Variants in PTPRN2 observed in about 807,000 individuals in gnomAD.
PTPRN2 encodes receptor-type tyrosine-protein phosphatase N2.
PTPRN2 carries 74 observed loss-of-function variants against 118.8 expected under a neutral mutation model. The ratio of observed to expected loss-of-function variants is 0.62; its 90% confidence interval spans 0.52 to 0.76. PTPRN2 has a LOEUF of 0.76. PTPRN2 is among the 30% of genes least tolerant of loss of function. PTPRN2 has a pLI of 0.00. For synonymous variants in PTPRN2, 641 were observed against 608.0 expected, an observed-to-expected ratio of 1.05 and a Z score of -0.80; for missense variants, 1,481 against 1,394.4, an observed-to-expected ratio of 1.06 and a Z score of -0.99.
chr7:157,602,621 C>T (rs1032841076), intron 16 of PTPRN2, among the ~76,000 whole-genome samples: 1 of 151,990 alleles, frequency 6.6e-6, no homozygotes, highest in Non-Finnish European at 1.5e-5. Flanking sequence ...GAGAGCTGAG[C>T]GCCATCTGCC....
In PTPRN2 at chr7:157,674,626, C is replaced by T. The variant is rs1487782808; in HGVS notation, c.2001+8099G>A. The stretch of plus-strand genomic sequence containing the variant: ...TTTCACCACAGATAATGCCATTCAC[C>T]ACAGAGGCGCATTCTCTCTCGTGCC... On this transcript the variant is annotated intron_variant, in intron 13 of 22. Coordinates refer to ENST00000389418, the MANE Select transcript of PTPRN2 (RefSeq NM_002847.5). The surrounding 1 kb of genome is among the most constrained non-coding windows in gnomAD (Gnocchi z 4.5). Among the ~76,000 whole-genome samples the T allele has an allele frequency of 2.6e-5, 4 of 152,244 alleles. No homozygotes were observed. Among genetic ancestry groups the T allele is most frequent in the African/African-American group, 9.6e-5 (4 of 41,470 alleles).
At chr7:158,473,509 C>T (rs1428253652) in intron 2 of PTPRN2, among the ~76,000 whole-genome samples, 2 of 152,210 alleles carry the variant, frequency 1.3e-5, no homozygotes, top group Admixed American at 1.3e-4. Context: ...CAAGTGCCGG[C>T]TCGCCTCTCC....
chr7:157,606,569 A>G (rs1563255489), intron 15 of PTPRN2, among the ~76,000 whole-genome samples: 2 of 152,230 alleles, frequency 1.3e-5, no homozygotes, highest in East Asian at 1.9e-4. Flanking sequence ...CTGAGAAAAC[A>G]AAAGCACCCT....
At chr7:158,146,068 C>A in intron 6 of PTPRN2, among the ~76,000 whole-genome samples, 1 of 106,704 alleles carries the variant, frequency 9.4e-6, no homozygotes, top group South Asian at 2.8e-4. Flanking sequence ...TCTTTTCCCC[C>A]TTTCCCATCC....
At position 158,023,672 on chromosome 7, in the gene PTPRN2, A is replaced by G. The variant is rs116860759; in HGVS notation, c.1723+57626T>C. Among the ~76,000 whole-genome samples the G allele has an allele frequency of 1.4e-4, 22 of 152,300 alleles. No homozygotes were observed. The East Asian group carries it at 3.7e-3, about 25-fold the overall frequency. ...GAGACCCTGAGCTTGCATTCAGCAG[A>G]CACACACATTCTTAACCTATCTTGA... On this transcript the variant is annotated intron_variant, in intron 11 of 22. Transcript: ENST00000389418.
At chr7:157,572,728 G>A (rs116523461) in intron 19 of PTPRN2, among the ~76,000 whole-genome samples, 1,616 of 152,298 alleles carry the variant, frequency 0.011, 24 homozygotes, top group African/African-American at 0.038. Context: ...GACTGGACTC[G>A]GCGTGCCCAC....
intron 6 of PTPRN2, among the ~76,000 whole-genome samples, chr7:158,139,172 T>C (rs1424734806): frequency 6.6e-6 from 1 of 152,036 alleles, no homozygotes; most frequent in Non-Finnish European, 1.5e-5. Flanking sequence ...GAACCCGAAA[T>C]TGAGAATAGG....
chr7:158,188,779 G>T (rs1275171319), intron 5 of PTPRN2, among the ~76,000 whole-genome samples: 1 of 152,146 alleles, frequency 6.6e-6, no homozygotes, highest in African/African-American at 2.4e-5. Context: ...CGCTGTATGG[G>T]GAAGGCTGCT....
At chr7:157,878,727 G>A (rs190570363) in intron 12 of PTPRN2, among the ~76,000 whole-genome samples, 3 of 128,320 alleles carry the variant, frequency 2.3e-5, no homozygotes, top group South Asian at 2.6e-4. Flanking sequence ...AGGAGCTCTC[G>A]GATTCCATGG....
At chr7:158,244,651 TTG>T (rs10580740) in intron 3 of PTPRN2, among the ~76,000 whole-genome samples, 26,897 of 151,990 alleles carry the variant, frequency 0.18, 2,741 homozygotes, top group East Asian at 0.31. Flanking sequence ...TGTGATTGTT[TTG>T]TGTGTCAGTT....
chr7:157,589,026 C>T lies in PTPRN2; in HGVS notation c.2496+6212G>A, dbSNP rs139165387. Among the ~76,000 whole-genome samples, 1,328 of 152,254 alleles carry T rather than the reference C, an allele frequency of 8.7e-3. 9 individuals are homozygous for T. The highest frequency in any genetic ancestry group is 0.015 in the Non-Finnish European group (1,046 of 68,004). ...GCAGCGGCAGTAAGGGCCTTCCCAC[C>T]GTTCTACAACCGTCACCGTCACCAC... On this transcript the variant is annotated intron_variant, in intron 17 of 22. Coordinates refer to ENST00000389418, the MANE Select transcript of PTPRN2 (RefSeq NM_002847.5).
chr7:158,296,739 G>A (rs1800530913), intron 3 of PTPRN2, among the ~76,000 whole-genome samples: 1 of 152,200 alleles, frequency 6.6e-6, no homozygotes, highest in African/African-American at 2.4e-5. Context: ...CGCCCTGTGA[G>A]GGGAATAAGG....
rs774242135 is a variant in PTPRN2, at chr7:158,133,909, C to T, written c.1324G>A (p.Ala442Thr). 12 of 1,613,990 alleles carry T rather than the reference C, an allele frequency of 7.4e-6. No individual in the cohort carries two copies. In the East Asian group the frequency reaches 2.5e-4, roughly 33 times the overall value. The change falls in exon 9 of 23, where the codon GCC becomes ACC. Residue 442 changes from alanine (A) to threonine (T), a missense_variant. Ala to Thr is a moderately conservative substitution (Grantham distance 58). Around this residue, in one of 3 missense-constraint regions of PTPRN2, gnomAD observed 1,115 missense variants for 994.2 expected, o/e 1.12. Coordinates refer to ENST00000389418, the MANE Select transcript of PTPRN2 (RefSeq NM_002847.5). ...TGGCTCTTGACGTTCTCCACTCCGG[C>T]AGTCTCCTCTTCTGAAGACAGGGAA... ...ESSLSSEEET[A>T]GVENVKSQTY...
chr7:157,722,026 G>A (rs938930010), intron 12 of PTPRN2, among the ~76,000 whole-genome samples: 1 of 152,076 alleles, frequency 6.6e-6, no homozygotes, highest in African/African-American at 2.4e-5. Context: ...CTTCAGTCTC[G>A]CCCCCCACCC....
At chr7:158,127,155 G>C (rs752478226) in intron 9 of PTPRN2, among the ~76,000 whole-genome samples, 1 of 152,142 alleles carries the variant, frequency 6.6e-6, no homozygotes, top group African/African-American at 2.4e-5. Flanking sequence ...TCCCTCAGCC[G>C]GCCTCCCCGC....
At chr7:158,115,128 G>A (rs1301379524) in intron 9 of PTPRN2, among the ~76,000 whole-genome samples, 2 of 152,152 alleles carry the variant, frequency 1.3e-5, no homozygotes, top group African/African-American at 4.8e-5. Flanking sequence ...GATTGCACCT[G>A]TGAATAACCA....
chr7:158,013,751 CCAT>C, intron 11 of PTPRN2, among the ~76,000 whole-genome samples: 1 of 25,518 alleles, frequency 3.9e-5, no homozygotes, highest in Non-Finnish European at 7.0e-5. Flanking sequence ...ACCCGCCCAT[CCAT>C]CCATCCACTC....
At chr7:158,403,976 GTCC>G (rs1465935693) in intron 2 of PTPRN2, among the ~76,000 whole-genome samples, 1 of 152,214 alleles carries the variant, frequency 6.6e-6, no homozygotes, top group Non-Finnish European at 1.5e-5. Flanking sequence ...AATTACTCAT[GTCC>G]TTACCAAAGA....
intron 11 of PTPRN2, among the ~76,000 whole-genome samples, chr7:158,000,272 G>A (rs1235647886): frequency 6.6e-6 from 1 of 152,118 alleles, no homozygotes; most frequent in Non-Finnish European, 1.5e-5. Flanking sequence ...GCATTCCCCA[G>A]TCAGGGGAAT....
Sources: gnomAD v4.1 joint callset for allele counts (sites outside exome capture counted in the v4.1 genomes callset) on GRCh38, gnomAD v4.1.1 for gene constraint, gnomAD v4.1.1 regional missense constraint, Gnocchi (gnomAD v3.1) non-coding constraint, MANE v1.5 for transcripts, NCBI Gene and HGNC (gene_info 2026-07-23, HGNC 2026-07-21) for gene names.